Variants in ATF7 observed in about 807,000 individuals in gnomAD.
ATF7 encodes the protein cyclic AMP-dependent transcription factor ATF-7.
A neutral mutation model predicts 50.4 loss-of-function variants in ATF7; 10 were observed. The observed-to-expected ratio is 0.20, with a 90% CI of 0.12 to 0.34. ATF7 has a LOEUF of 0.34. Ranked by LOEUF, ATF7 falls within the 10% of genes least tolerant of loss-of-function variation. The pLI, the probability that ATF7 is intolerant of heterozygous loss-of-function variation, is 1.00. For missense variants in ATF7, 465 were observed against 613.9 expected (o/e 0.76, Z 2.56); for synonymous variants, 201 against 226.4 (o/e 0.89, Z 1.01).
chr12:53,536,967 C>A (rs1031263239), intron 5 of ATF7, among the ~76,000 whole-genome samples: 12 of 152,218 alleles, frequency 7.9e-5, no homozygotes, highest in African/African-American at 2.6e-4. Context: ...GCACTAATTT[C>A]TCTTCCATAT....
intron 11 of ATF7, among the ~76,000 whole-genome samples, chr12:53,519,359 T>C (rs183565298): frequency 1.0e-3 from 155 of 152,286 alleles, no homozygotes; most frequent in South Asian, 2.5e-3. Context: ...GTCAGGTACT[T>C]ACATAATATC....
At chr12:53,616,570 T>C (rs1944126768) in intron 1 of ATF7, among the ~76,000 whole-genome samples, 1 of 152,008 alleles carries the variant, frequency 6.6e-6, no homozygotes, top group Non-Finnish European at 1.5e-5. Flanking sequence ...GATACAATAT[T>C]GAAAAGAAAA....
chr12:53,519,988 C>T (rs1174531838), intron 11 of ATF7, among the ~76,000 whole-genome samples: 3 of 152,026 alleles, frequency 2.0e-5, no homozygotes, highest in Non-Finnish European at 2.9e-5. Context: ...CCTCGTGATC[C>T]GCCCGCCTCA....
chr12:53,552,801 G>A (rs1052355666), intron 2 of ATF7, among the ~76,000 whole-genome samples, 164 bp from the exon 3 acceptor site: 13 of 152,104 alleles, frequency 8.5e-5, no homozygotes, highest in Non-Finnish European at 1.5e-4. Context: ...GAGAAAAAAG[G>A]GTGCTAGAAC....
intron 2 of ATF7, among the ~76,000 whole-genome samples, chr12:53,596,254 C>T (rs1386514934): frequency 1.3e-5 from 2 of 152,088 alleles, no homozygotes; most frequent in African/African-American, 2.4e-5. Flanking sequence ...GAGCCGAGAT[C>T]GCGCCACTGC....
In ATF7 at chr12:53,573,084, C is replaced by CAA. The variant is rs75993824; in HGVS notation, c.49-20449_49-20448dup. ...ACAGGCGTGAGCCACTGTACCCGGC[C>CAA]AAAAAAAAAAAAAAAAGATGAGTAC... On this transcript the variant is annotated intron_variant, in intron 2 of 11. Transcript: ENST00000420353. Among the ~76,000 whole-genome samples the CAA allele has an allele frequency of 3.6e-3, 248 of 68,324 alleles. 2 individuals carry two copies. The highest frequency in any genetic ancestry group is 0.011 in the African/African-American group (240 of 20,920). 44.8% of individuals were successfully genotyped at this position (68,324 alleles called of 152,430 possible). A position where few individuals can be genotyped will look rare whatever the true frequency, so the allele number is the denominator to read the frequency against.
intron 9 of ATF7, among the ~76,000 whole-genome samples, chr12:53,528,579 A>G (rs966649151): frequency 5.3e-5 from 8 of 152,132 alleles, no homozygotes; most frequent in Non-Finnish European, 1.2e-4. Flanking sequence ...CCTGGCCAAC[A>G]TGGTGAAACC....
At chr12:53,561,229 T>A (rs1941084204) in intron 2 of ATF7, among the ~76,000 whole-genome samples, 1 of 151,364 alleles carries the variant, frequency 6.6e-6, no homozygotes, top group African/African-American at 2.4e-5. Context: ...TGCACCCATA[T>A]ACTTGGGGGC....
intron 2 of ATF7, among the ~76,000 whole-genome samples, chr12:53,577,626 G>T (rs1401273053): frequency 6.6e-6 from 1 of 151,304 alleles, no homozygotes; most frequent in Non-Finnish European, 1.5e-5. Flanking sequence ...TGAGGCAGAA[G>T]AATGGCGTGA....
chr12:53,597,363 T>C (rs182431662), intron 2 of ATF7, among the ~76,000 whole-genome samples: 1 of 152,296 alleles, frequency 6.6e-6, no homozygotes, highest in East Asian at 1.9e-4. Context: ...GTGGAGAGCA[T>C]AATCCACTAG....
Position 53,533,253 on chromosome 12 carries a change from G to A in ATF7, c.567C>T (p.Pro189=). The A allele has an allele frequency of 6.2e-7, 1 of 1,611,884 alleles. No homozygotes were observed. The highest frequency in any genetic ancestry group is 2.2e-5 in the East Asian group (1 of 44,860). ...APPSNRQMGS[P]TGSLPLVMHL... ...GCATGACAAGAGGGAGGGAGCCAGT[G>A]GGAGACCTAGAGGAGACATGAAGTG... The change falls in exon 7 of 12, where the codon CCC becomes CCT. Residue 189 remains proline, a synonymous_variant. Coordinates refer to ENST00000420353, the MANE Select transcript of ATF7 (RefSeq NM_006856.3).
intron 2 of ATF7, among the ~76,000 whole-genome samples, chr12:53,589,659 C>G (rs1338925132): frequency 6.6e-6 from 1 of 152,126 alleles, no homozygotes; most frequent in African/African-American, 2.4e-5. Flanking sequence ...CTGGGAGATT[C>G]TCATATTTAG....
intron 10 of ATF7, among the ~76,000 whole-genome samples, chr12:53,523,697 A>G (rs536233612): frequency 1.4e-4 from 22 of 152,246 alleles, no homozygotes; most frequent in East Asian, 3.8e-4. Context: ...AGGAATCTAC[A>G]TAACAGAACT....
At chr12:53,545,611 T>C (rs951534464) in intron 3 of ATF7, among the ~76,000 whole-genome samples, 85 of 152,212 alleles carry the variant, frequency 5.6e-4, no homozygotes, top group Non-Finnish European at 8.8e-4. Context: ...GCTGGGATTA[T>C]AGGCGTGAGC....
At chr12:53,601,074 A>G in intron 1 of ATF7, 53 bp from the exon 2 acceptor site, 5 of 1,290,086 alleles carry the variant, frequency 3.9e-6, no homozygotes, top group Non-Finnish European at 4.3e-6. Flanking sequence ...TGGAGCAAAA[A>G]AAAAAAAAAA....
chr12:53,546,838 GC>G (rs944478752), intron 3 of ATF7, among the ~76,000 whole-genome samples: 3 of 151,450 alleles, frequency 2.0e-5, no homozygotes, highest in Non-Finnish European at 4.4e-5. Flanking sequence ...GCTCACTGCA[GC>G]CTCTGCCTCC....
intron 1 of ATF7, among the ~76,000 whole-genome samples, chr12:53,623,688 C>T (rs1460166686): frequency 1.3e-5 from 2 of 152,166 alleles, no homozygotes; most frequent in African/African-American, 4.8e-5. Flanking sequence ...GCTGCTGTAA[C>T]ACTAACTCCC....
At chr12:53,580,175 C>G (rs1201508301) in intron 2 of ATF7, among the ~76,000 whole-genome samples, 1 of 151,506 alleles carries the variant, frequency 6.6e-6, no homozygotes, top group Non-Finnish European at 1.5e-5. Context: ...AGGTGATCCA[C>G]CTGCCTTGGC....
At chr12:53,562,932 C>T (rs771984095) in intron 2 of ATF7, among the ~76,000 whole-genome samples, 35 of 152,042 alleles carry the variant, frequency 2.3e-4, no homozygotes, top group Non-Finnish European at 4.1e-4. Context: ...GAAATCATTC[C>T]CAAAGGAGAT....
Sources: gnomAD v4.1 joint callset for allele counts (sites outside exome capture counted in the v4.1 genomes callset) on GRCh38, gnomAD v4.1.1 for gene constraint, MANE v1.5 for transcripts, NCBI Gene and HGNC (gene_info 2026-07-23, HGNC 2026-07-21) for gene names.